CDKL4: variants seen among roughly 807,000 people sequenced by gnomAD.
The protein encoded by CDKL4 is cyclin dependent kinase like 4.
CDKL4 carries 44 observed loss-of-function variants against 42.0 expected under a neutral mutation model. That is an observed-to-expected ratio of 1.05 (90% CI 0.82 to 1.35). CDKL4 has a LOEUF of 1.35. CDKL4 is among the 40% of genes most tolerant of loss of function. The probability of loss-of-function intolerance (pLI) is 0.00; values close to 1 mark genes in which losing one functional copy is unlikely to be tolerated. For synonymous variants in CDKL4, 120 were observed against 121.6 expected, an observed-to-expected ratio of 0.99 and a Z score of 0.09; for missense variants, 393 against 369.9, an observed-to-expected ratio of 1.06 and a Z score of -0.51.
chr2:39,179,148 A>C, intron 9 of CDKL4, 39 bp downstream of exon 9: 12 of 1,581,906 alleles, frequency 7.6e-6, no homozygotes, highest in Non-Finnish European at 1.0e-5. Context: ...ACAAAAAAGG[A>C]ATTATTTTTA....
intron 6 of CDKL4, 24 bp from the exon 7 acceptor site, chr2:39,187,733 T>C: frequency 6.5e-7 from 1 of 1,528,444 alleles, no homozygotes; most frequent in South Asian, 1.1e-5. Context: ...ACCACATAAT[T>C]CATCATAAAT....
At chr2:39,217,926 T>C (rs1018291038) in intron 3 of CDKL4, among the ~76,000 whole-genome samples, 3 of 151,742 alleles carry the variant, frequency 2.0e-5, no homozygotes, top group Non-Finnish European at 4.4e-5. Context: ...AAAGATGGGG[T>C]TTCTTCATGT....
At chr2:39,218,086 T>A (rs9679492) in intron 3 of CDKL4, among the ~76,000 whole-genome samples, 11,077 of 152,234 alleles carry the variant, frequency 0.073, 1,379 homozygotes, top group African/African-American at 0.25. Flanking sequence ...TTACTTCTAT[T>A]TCTATGTTTA....
chr2:39,246,854 T>C (rs1679935601), upstream of CDKL4, among the ~76,000 whole-genome samples: 1 of 152,162 alleles, frequency 6.6e-6, no homozygotes, highest in African/African-American at 2.4e-5. Flanking sequence ...AGTGATTCTC[T>C]TGCCTCAGCC....
At chr2:39,186,106 A>T (rs1675816119) in intron 7 of CDKL4, among the ~76,000 whole-genome samples, 1 of 152,232 alleles carries the variant, frequency 6.6e-6, no homozygotes, top group Non-Finnish European at 1.5e-5. Flanking sequence ...AAGACACTTA[A>T]GTTTGTTGTA....
chr2:39,235,261 C>A (rs1303333439), intron 1 of CDKL4, among the ~76,000 whole-genome samples: 2 of 151,990 alleles, frequency 1.3e-5, no homozygotes, highest in Admixed American at 1.3e-4. Flanking sequence ...TTCATCCAAT[C>A]AAGAGTTGAC....
intron 1 of CDKL4, among the ~76,000 whole-genome samples, chr2:39,240,985 T>C (rs1363245254): frequency 6.6e-6 from 1 of 152,238 alleles, no homozygotes. Flanking sequence ...TGTTCCAGAT[T>C]GAAGACTAGA....
At chr2:39,233,076 G>A (rs149403288) in intron 1 of CDKL4, among the ~76,000 whole-genome samples, 40 of 21,066 alleles carry the variant, frequency 1.9e-3, no homozygotes, top group African/African-American at 3.6e-3. Flanking sequence ...AAGAAAGAAA[G>A]AAAAAGAAAA....
At chr2:39,174,381 C>T (rs960070257), downstream of CDKL4, among the ~76,000 whole-genome samples, 2 of 144,098 alleles carry the variant, frequency 1.4e-5, no homozygotes, top group East Asian at 2.1e-4. Flanking sequence ...GCCTGGGTGA[C>T]AGAGCAAGAC....
chr2:39,212,100 C>T (rs1677617919), intron 4 of CDKL4, among the ~76,000 whole-genome samples: 1 of 152,190 alleles, frequency 6.6e-6, no homozygotes, highest in South Asian at 2.1e-4. Context: ...AATGCACATT[C>T]TTGGGGCCCT....
exon 8 of CDKL4, chr2:39,184,643 G>A (rs1233643993): frequency 6.2e-7 from 1 of 1,609,796 alleles, no homozygotes; most frequent in South Asian, 1.1e-5. Context: ...TTCCTCAAGA[G>A]TTTCCTGAAA....
chr2:39,221,249 T>C (rs1678348872), intron 3 of CDKL4, among the ~76,000 whole-genome samples: 1 of 150,128 alleles, frequency 6.7e-6, no homozygotes, highest in African/African-American at 2.4e-5. Context: ...TCTCGTGACC[T>C]TGTGATCCAG....
chr2:39,187,649 C>G (rs779173224), exon 7 of CDKL4: 1 of 1,612,854 alleles, frequency 6.2e-7, no homozygotes, highest in Non-Finnish European at 8.5e-7. Context: ...CTCAGGTATA[C>G]TGATGCCATG....
At chr2:39,185,779 T>C (rs1675798000) in intron 7 of CDKL4, among the ~76,000 whole-genome samples, 1 of 152,010 alleles carries the variant, frequency 6.6e-6, no homozygotes, top group South Asian at 2.1e-4. Flanking sequence ...ATTTTTTAAA[T>C]CACTCTTTTA....
intron 2 of CDKL4, among the ~76,000 whole-genome samples, chr2:39,227,894 G>A (rs1336634311): frequency 6.6e-6 from 1 of 152,184 alleles, no homozygotes; most frequent in African/African-American, 2.4e-5. Context: ...AAAAACAGGT[G>A]GTAAGGACAG....
At chr2:39,192,905 C>T (rs1221560607) in intron 5 of CDKL4, among the ~76,000 whole-genome samples, 5 of 151,904 alleles carry the variant, frequency 3.3e-5, no homozygotes, top group Non-Finnish European at 7.4e-5. Flanking sequence ...GCAGGCGGAT[C>T]GTGTGAGCCC....
intron 4 of CDKL4, among the ~76,000 whole-genome samples, chr2:39,206,615 C>A (rs955935779): frequency 6.6e-6 from 1 of 152,178 alleles, no homozygotes; most frequent in Non-Finnish European, 1.5e-5. Flanking sequence ...TTTATCCACG[C>A]TCCCAAAAAA....
chr2:39,192,098 C>T (rs2148306514), intron 5 of CDKL4, among the ~76,000 whole-genome samples: 1 of 152,186 alleles, frequency 6.6e-6, no homozygotes, highest in East Asian at 1.9e-4. Flanking sequence ...TAATAAATGC[C>T]ATAATGGAAA....
rs919989855 is a variant in CDKL4 at position 39,204,754 on chromosome 2, C to T, written c.364-137G>A. 5.4e-5 allele frequency: 24 copies of T among 445,722 alleles called. No individual in the cohort carries two copies. The South Asian group carries it at 8.0e-4, about 15-fold the overall frequency. 27.6% of individuals were successfully genotyped at this position (445,722 alleles called of 1,614,324 possible). A position where few individuals can be genotyped will look rare whatever the true frequency, so the allele number is the denominator to read the frequency against. On this transcript the variant is annotated intron_variant, in intron 4 of 9. Coordinates refer to ENST00000451199, the Ensembl canonical transcript of CDKL4. Reference sequence around the variant, plus strand: ...GGCTTCCTTCACTTTTCTAAAAGAACTTAAATTGGCAATTTTTCACTTGTA... The same window carrying T: ...GGCTTCCTTCACTTTTCTAAAAGAATTTAAATTGGCAATTTTTCACTTGTA...
Sources: allele counts gnomAD v4.1 joint callset (sites outside exome capture counted in the v4.1 genomes callset), GRCh38; gene constraint gnomAD v4.1.1; transcripts MANE v1.5; gene names NCBI Gene and HGNC (gene_info 2026-07-23, HGNC 2026-07-21).